The following SLC8A1 variants were observed in gnomAD, a reference collection of about 807,000 sequenced individuals.
SLC8A1 encodes the protein solute carrier family 8 member A1, also known as sodium/calcium exchanger 1.
In SLC8A1, 18 loss-of-function variants were observed where a neutral mutation model predicts 68.3. The observed-to-expected ratio is 0.26, with a 90% CI of 0.18 to 0.39. The LOEUF is 0.39. SLC8A1 is among the 10% of genes least tolerant of loss of function. The pLI is 1.00. For missense variants in SLC8A1, 985 were observed against 1,156.7 expected (o/e 0.85, Z 2.15); for synonymous variants, 475 against 415.5 (o/e 1.14, Z -1.74).
chr2:40,451,755 A>T (rs1350444852), intron 1 of SLC8A1, 149 bp downstream of exon 1: 1 of 153,272 alleles, frequency 6.5e-6, no homozygotes, highest in East Asian at 2.0e-4. Flanking sequence ...ACACACACAC[A>T]CACACACACA....
chr2:40,450,610 A>G (rs1031329002), intron 1 of SLC8A1, among the ~76,000 whole-genome samples: 1 of 152,104 alleles, frequency 6.6e-6, no homozygotes, highest in African/African-American at 2.4e-5. Flanking sequence ...CACATCTGTC[A>G]TTTTTTAAAA....
chr2:40,128,573 C>G (rs74749625), intron 7 of SLC8A1, among the ~76,000 whole-genome samples: 1 of 152,048 alleles, frequency 6.6e-6, no homozygotes, highest in African/African-American at 2.4e-5. Context: ...AACTGGTCAC[C>G]GACATTTGGC....
intron 2 of SLC8A1, among the ~76,000 whole-genome samples, chr2:40,191,281 C>A (rs2148649158): frequency 6.6e-6 from 1 of 152,262 alleles, no homozygotes; most frequent in East Asian, 1.9e-4. Flanking sequence ...GAACTTTTCA[C>A]TATAGCACTT....
At chr2:40,449,189 AAC>A (rs1491254842) in intron 1 of SLC8A1, among the ~76,000 whole-genome samples, 4 of 151,800 alleles carry the variant, frequency 2.6e-5, no homozygotes, top group Non-Finnish European at 5.9e-5. Context: ...AACAAAAAAA[AAC>A]ACACAGACAT....
chr2:40,397,730 A>T (rs879482186), intron 2 of SLC8A1, among the ~76,000 whole-genome samples: 24 of 152,212 alleles, frequency 1.6e-4, no homozygotes, highest in Admixed American at 3.3e-4. Flanking sequence ...TCTCACCAGG[A>T]GAACCACTCT....
chr2:40,312,727 A>G (rs1308757729), intron 2 of SLC8A1, among the ~76,000 whole-genome samples: 1 of 152,118 alleles, frequency 6.6e-6, no homozygotes, highest in Admixed American at 6.6e-5. Flanking sequence ...AGAAGTTCCT[A>G]CTTTTAGATT....
At chr2:40,407,771 T>C (rs1221358687) in intron 2 of SLC8A1, among the ~76,000 whole-genome samples, 2 of 152,230 alleles carry the variant, frequency 1.3e-5, no homozygotes, top group Admixed American at 1.3e-4. Flanking sequence ...TTTAAATACT[T>C]GACCTTCCTA....
At chr2:40,165,077 GC>G (rs1313017580) in intron 4 of SLC8A1, 93 bp from the exon 8 acceptor site, 1 of 1,532,872 alleles carries the variant, frequency 6.5e-7, no homozygotes, top group Non-Finnish European at 8.9e-7. Flanking sequence ...GAGGAAGGAA[GC>G]CCTAATGACC....
intron 2 of SLC8A1, among the ~76,000 whole-genome samples, chr2:40,277,769 T>G (rs543017986): frequency 7.2e-6 from 1 of 138,066 alleles, no homozygotes; most frequent in Admixed American, 7.5e-5. Flanking sequence ...CATATAAACA[T>G]ATGTATAAAT....
intron 2 of SLC8A1, among the ~76,000 whole-genome samples, chr2:40,388,124 C>G (rs116513586): frequency 1.3e-5 from 2 of 151,906 alleles, no homozygotes; most frequent in African/African-American, 4.8e-5. Context: ...GCCAAATAAA[C>G]AAATGTTTAT....
At chr2:40,206,166 A>G (rs895904626) in intron 2 of SLC8A1, among the ~76,000 whole-genome samples, 2 of 152,110 alleles carry the variant, frequency 1.3e-5, no homozygotes, top group African/African-American at 2.4e-5. Context: ...TGAAGAACCA[A>G]TTAGGTTGTG....
intron 7 of SLC8A1, among the ~76,000 whole-genome samples, chr2:40,124,091 A>G (rs1419846056): frequency 6.6e-6 from 1 of 152,244 alleles, no homozygotes; most frequent in Admixed American, 6.5e-5. Flanking sequence ...GTAAAGACAT[A>G]GGTTCGCCTG....
intron 2 of SLC8A1, among the ~76,000 whole-genome samples, chr2:40,280,568 C>T (rs923667446): frequency 6.6e-6 from 1 of 152,172 alleles, no homozygotes. Context: ...ATTTATTAAT[C>T]ATTTTCTTTG....
chr2:40,401,793 G>T (rs958581126), intron 2 of SLC8A1, among the ~76,000 whole-genome samples: 5 of 152,078 alleles, frequency 3.3e-5, no homozygotes, highest in Non-Finnish European at 7.4e-5. Flanking sequence ...CATTTTGGGT[G>T]TGTGGTTATG....
intron 2 of SLC8A1, among the ~76,000 whole-genome samples, chr2:40,331,752 C>T (rs1339609907): frequency 6.6e-6 from 1 of 152,032 alleles, no homozygotes; most frequent in African/African-American, 2.4e-5. Context: ...CACCACTGTG[C>T]CCATCTAATT....
At chr2:40,497,502 A>G (rs759156726) in intron 1 of SLC8A1, among the ~76,000 whole-genome samples, 1 of 152,014 alleles carries the variant, frequency 6.6e-6, no homozygotes, top group Non-Finnish European at 1.5e-5. Context: ...ATAAATCAGT[A>G]TTGGGTAAGG....
At position 40,194,381 on chromosome 2, in the gene SLC8A1, G is replaced by T. The variant is rs754291563; in HGVS notation, c.1809-16526C>A. On this transcript the variant is annotated intron_variant, in intron 2 of 7. Transcript: ENST00000406785. ...TACAACCAAGATGATATAATGAAAT[G>T]AAAATTTACAAGTTGAGGTGTGGGA... Among the ~76,000 whole-genome samples the T allele has an allele frequency of 1.7e-4, 26 of 151,596 alleles. No individual in the cohort carries two copies. In the Middle Eastern group the frequency reaches 0.01, roughly 59 times the overall value.
intron 2 of SLC8A1, chr2:40,250,587 C>T (rs1414556546): frequency 1.3e-5 from 2 of 152,120 alleles, no homozygotes; most frequent in African/African-American, 4.8e-5. Context: ...TGAAGAGTGA[C>T]TCTTCGAGTT....
intron 2 of SLC8A1, among the ~76,000 whole-genome samples, chr2:40,330,058 CT>C (rs1203715125): frequency 6.6e-6 from 1 of 152,142 alleles, no homozygotes; most frequent in Non-Finnish European, 1.5e-5. Flanking sequence ...GAGCTTAAAA[CT>C]TTTCAAAAAG....
Sources: allele counts gnomAD v4.1 joint callset (sites outside exome capture counted in the v4.1 genomes callset), GRCh38; gene constraint gnomAD v4.1.1; transcripts MANE v1.5; gene names NCBI Gene and HGNC (gene_info 2026-07-23, HGNC 2026-07-21).